Variants in CACNA2D1 observed in about 807,000 individuals in gnomAD.
CACNA2D1 encodes calcium voltage-gated channel auxiliary subunit alpha2delta 1.
A neutral mutation model predicts 171.5 loss-of-function variants in CACNA2D1; 53 were observed. That is an observed-to-expected ratio of 0.31 (90% CI 0.25 to 0.39). The LOEUF (loss-of-function observed/expected upper bound fraction) is 0.39, where lower values mean the gene tolerates loss of function less well. Ranked by LOEUF, CACNA2D1 falls within the 10% of genes least tolerant of loss-of-function variation. The pLI, the probability that CACNA2D1 is intolerant of heterozygous loss-of-function variation, is 1.00. For synonymous variants in CACNA2D1, 442 were observed against 443.1 expected (o/e 1.00, Z 0.03); for missense variants, 903 against 1,299.8 (o/e 0.69, Z 4.69).
intron 15 of CACNA2D1, among the ~76,000 whole-genome samples, chr7:82,011,601 A>C (rs1380386261): frequency 6.6e-6 from 1 of 152,202 alleles, no homozygotes; most frequent in Non-Finnish European, 1.5e-5. Flanking sequence ...TTCCATAAAA[A>C]GTATGAGGTT....
chr7:82,375,538 G>A (rs1279270023), intron 1 of CACNA2D1, among the ~76,000 whole-genome samples: 1 of 152,068 alleles, frequency 6.6e-6, no homozygotes, highest in Admixed American at 6.6e-5. Flanking sequence ...GCCCCATGGC[G>A]CCTCTTTTCT....
At chr7:82,324,009 C>G (rs1432355297) in intron 3 of CACNA2D1, among the ~76,000 whole-genome samples, 1 of 152,122 alleles carries the variant, frequency 6.6e-6, no homozygotes, top group African/African-American at 2.4e-5. Flanking sequence ...GCTGACACTA[C>G]TCCATGGAAT....
At chr7:82,320,533 T>C (rs954109328) in intron 3 of CACNA2D1, among the ~76,000 whole-genome samples, 2 of 151,066 alleles carry the variant, frequency 1.3e-5, no homozygotes, top group Admixed American at 6.6e-5. Context: ...CATCCTAGTC[T>C]CCTGAGGAGC....
chr7:82,081,010 T>C (rs1342488684), intron 7 of CACNA2D1, among the ~76,000 whole-genome samples: 3 of 152,212 alleles, frequency 2.0e-5, no homozygotes, highest in African/African-American at 4.8e-5. Context: ...GTTATTAATG[T>C]TCCACTTTTT....
intron 3 of CACNA2D1, among the ~76,000 whole-genome samples, chr7:82,272,965 T>A (rs1808834663): frequency 6.6e-6 from 1 of 152,162 alleles, no homozygotes; most frequent in South Asian, 2.1e-4. Context: ...TTAAGCCACT[T>A]TATTTTGAGG....
At chr7:82,395,481 T>G (rs1438812913) in intron 1 of CACNA2D1, among the ~76,000 whole-genome samples, 1 of 152,218 alleles carries the variant, frequency 6.6e-6, no homozygotes, top group Non-Finnish European at 1.5e-5. Flanking sequence ...GTAATGTAGT[T>G]ACATATTTAA....
intron 18 of CACNA2D1, among the ~76,000 whole-genome samples, chr7:81,998,192 T>G (rs529861431): frequency 5.9e-5 from 9 of 152,030 alleles, no homozygotes; most frequent in Non-Finnish European, 8.8e-5. Flanking sequence ...CAAAGCTTAC[T>G]AGACCAATAA....
intron 3 of CACNA2D1, among the ~76,000 whole-genome samples, chr7:82,293,275 GT>G (rs1254372859): frequency 6.6e-6 from 1 of 151,262 alleles, no homozygotes; most frequent in Admixed American, 6.6e-5. Context: ...GGTTGCCTCT[GT>G]TTTTTGCTTT....
chr7:82,096,049 T>A (rs1210598806), intron 6 of CACNA2D1, among the ~76,000 whole-genome samples: 1 of 152,212 alleles, frequency 6.6e-6, no homozygotes, highest in African/African-American at 2.4e-5. Context: ...TCTAATCATC[T>A]CATTTCTGTC....
At chr7:82,048,841 T>C (rs1804855171) in intron 10 of CACNA2D1, among the ~76,000 whole-genome samples, 1 of 152,118 alleles carries the variant, frequency 6.6e-6, no homozygotes, top group Admixed American at 6.5e-5. Context: ...TAATAAGTAC[T>C]CACATACATG....
At chr7:81,989,029 G>C (rs145927727) in intron 21 of CACNA2D1, among the ~76,000 whole-genome samples, 1 of 152,298 alleles carries the variant, frequency 6.6e-6, no homozygotes, top group East Asian at 1.9e-4. Context: ...AGGCCTTTCT[G>C]AAGAGATGAA....
intron 3 of CACNA2D1, among the ~76,000 whole-genome samples, chr7:82,317,480 ATGT>A (rs1407487158): frequency 6.6e-6 from 1 of 152,154 alleles, no homozygotes; most frequent in Non-Finnish European, 1.5e-5. Context: ...CAGCTGAAAA[ATGT>A]TGTTTCAAAT....
chr7:82,236,731 A>G (rs1336511413), intron 3 of CACNA2D1, among the ~76,000 whole-genome samples: 2 of 152,042 alleles, frequency 1.3e-5, no homozygotes, highest in Admixed American at 6.6e-5. Context: ...ATAAAAGCCT[A>G]TAACTTGATA....
At chr7:82,066,548 A>G (rs759863338) in intron 7 of CACNA2D1, 24 bp from the exon 8 acceptor site, 9 of 1,578,536 alleles carry the variant, frequency 5.7e-6, no homozygotes, top group Non-Finnish European at 6.9e-6. Flanking sequence ...AAAAAGAGAG[A>G]TATTAAATCA....
At position 81,947,468 on chromosome 7, in the gene CACNA2D1, C is replaced by T. The variant is rs1346259554; in HGVS notation, c.*2924G>A. The T allele has an allele frequency of 6.6e-6, 1 of 151,786 alleles. No individual in the cohort carries two copies. Among genetic ancestry groups the T allele is most frequent in the East Asian group, 1.9e-4 (1 of 5,180 alleles). The allele number at this position is 151,786 out of a possible 1,614,324, so 9.4% of individuals were successfully genotyped here. A position where few individuals can be genotyped will look rare whatever the true frequency, so the allele number is the denominator to read the frequency against. On this transcript the variant is annotated 3_prime_UTR_variant, in exon 39 of 39. Coordinates refer to ENST00000356860, the MANE Select transcript of CACNA2D1 (RefSeq NM_000722.4). The stretch of plus-strand genomic sequence containing the variant: ...ACTATGTCATGTTAAAAACCTGTTA[C>T]AAATATGGACCACGGTTGGTGTTTG...
intron 7 of CACNA2D1, among the ~76,000 whole-genome samples, chr7:82,078,634 T>C (rs923039456): frequency 6.6e-6 from 1 of 152,230 alleles, no homozygotes; most frequent in Non-Finnish European, 1.5e-5. Flanking sequence ...TGACTAGGGC[T>C]AGTCATTCTA....
chr7:82,197,444 T>C (rs975090992), intron 3 of CACNA2D1, among the ~76,000 whole-genome samples: 1 of 152,092 alleles, frequency 6.6e-6, no homozygotes, highest in Non-Finnish European at 1.5e-5. Context: ...CTATAAATCA[T>C]AACATAAATG....
intron 3 of CACNA2D1, among the ~76,000 whole-genome samples, chr7:82,245,537 G>A (rs145568953): frequency 6.6e-6 from 1 of 152,202 alleles, no homozygotes; most frequent in East Asian, 1.9e-4. Flanking sequence ...GAGATTATCT[G>A]TTTTATGAAT....
At chr7:82,097,810 C>T (rs1812080089) in intron 6 of CACNA2D1, among the ~76,000 whole-genome samples, 1 of 151,850 alleles carries the variant, frequency 6.6e-6, no homozygotes, top group Admixed American at 6.6e-5. Flanking sequence ...TCTATGAATC[C>T]TCAGGTTTAA....
Sources: allele counts gnomAD v4.1 joint callset (sites outside exome capture counted in the v4.1 genomes callset), GRCh38; gene constraint gnomAD v4.1.1; transcripts MANE v1.5; gene names NCBI Gene and HGNC (gene_info 2026-07-23, HGNC 2026-07-21).